VSTM2A: variants seen among roughly 807,000 people sequenced by gnomAD.
VSTM2A encodes V-set and transmembrane domain-containing protein 2A.
Under a neutral mutation model 27.3 loss-of-function variants are expected in VSTM2A, and 13 were observed. The ratio of observed to expected loss-of-function variants is 0.48; its 90% CI spans 0.31 to 0.76. VSTM2A has a LOEUF of 0.76. Ranked by LOEUF, VSTM2A falls within the 30% of genes least tolerant of loss-of-function variation. The probability of loss-of-function intolerance (pLI) is 0.05; values close to 1 mark genes in which losing one functional copy is unlikely to be tolerated. For synonymous variants in VSTM2A, 142 were observed against 125.7 expected, an observed-to-expected ratio of 1.13 and a Z score of -0.87; for missense variants, 280 against 310.0, an observed-to-expected ratio of 0.90 and a Z score of 0.73.
intron 4 of VSTM2A, chr7:54,551,434 C>T (rs926567699): frequency 2.0e-5 from 3 of 152,130 alleles, no homozygotes; most frequent in Non-Finnish European, 2.9e-5. Flanking sequence ...AGCAACTCTC[C>T]TGGCATGCCT....
intron 4 of VSTM2A, among the ~76,000 whole-genome samples, chr7:54,562,721 G>T (rs533902294): frequency 6.6e-6 from 1 of 152,298 alleles, no homozygotes; most frequent in African/African-American, 2.4e-5. Context: ...GATGCCATTT[G>T]TCTCCATTGC....
At position 54,542,414 on chromosome 7, in the gene VSTM2A, C is replaced by T; in HGVS notation, c.-317C>T. ...CTCCGTGTTTAGGGAGGGCAGTGATCACGCAAGCCGGAGCGGCGGGCTGAC... is the reference window on the plus strand; with the variant it reads ...CTCCGTGTTTAGGGAGGGCAGTGATTACGCAAGCCGGAGCGGCGGGCTGAC... On this transcript the variant is annotated 5_prime_UTR_variant, in exon 1 of 5. Transcript: ENST00000402613. 2.3e-6 allele frequency: 1 copy of T among 444,298 alleles called. No individual in the cohort carries two copies. The highest frequency in any genetic ancestry group is 4.0e-6 in the Non-Finnish European group (1 of 249,560). 27.5% of individuals were successfully genotyped at this position (444,298 alleles called of 1,614,324 possible).
intron 1 of VSTM2A, 116 bp downstream of exon 1, chr7:54,542,925 G>C: frequency 2.1e-6 from 2 of 965,178 alleles, no homozygotes; most frequent in Non-Finnish European, 1.6e-6. Context: ...AGTGGGCTTA[G>C]GCTGTATAAA....
intron 1 of VSTM2A, among the ~76,000 whole-genome samples, chr7:54,543,045 C>T (rs1457175684): frequency 6.6e-6 from 1 of 152,038 alleles, no homozygotes; most frequent in Non-Finnish European, 1.5e-5. Flanking sequence ...TCGGTGAGCA[C>T]AAACACAGGG....
At chr7:54,546,742 A>T in intron 2 of VSTM2A, 1 of 542,104 alleles carries the variant, frequency 1.8e-6, no homozygotes. Context: ...GGCGTGGGGT[A>T]TGCCAGGGAC....
At chr7:54,548,219 C>A (rs1341700459) in intron 3 of VSTM2A, among the ~76,000 whole-genome samples, 4 of 152,144 alleles carry the variant, frequency 2.6e-5, no homozygotes, top group African/African-American at 9.7e-5. Context: ...CTTCATACAT[C>A]CTGACCCCTG....
chr7:54,561,392 A>G (rs1788558159), intron 4 of VSTM2A, among the ~76,000 whole-genome samples: 1 of 148,502 alleles, frequency 6.7e-6, no homozygotes, highest in South Asian at 2.1e-4. Context: ...TTAAGAAAAC[A>G]ACTCCAGACT....
chr7:54,548,446 T>C (rs1381742726), intron 3 of VSTM2A, among the ~76,000 whole-genome samples: 1 of 152,104 alleles, frequency 6.6e-6, no homozygotes, highest in Non-Finnish European at 1.5e-5. Context: ...AAAATACTGA[T>C]GATATAAGCT....
At chr7:54,565,376 GC>G (rs771039332) in intron 4 of VSTM2A, among the ~76,000 whole-genome samples, 5 of 152,188 alleles carry the variant, frequency 3.3e-5, no homozygotes, top group Non-Finnish European at 7.3e-5. Context: ...AATAGGTTCA[GC>G]CGTTTTGGAG....
chr7:54,546,688 G>A lies in VSTM2A; in HGVS notation c.247-259G>A, dbSNP rs549153092. On this transcript the variant is annotated intron_variant, in intron 2 of 4. Transcript: ENST00000402613. ...GCGCGGCAGGGACAGCGCCGGGACA[G>A]CGCCGGGACAGCCCCGGGACAGCCC... is the stretch of plus-strand genomic sequence containing the variant. 4.4e-5 allele frequency: 19 copies of A among 430,410 alleles called. No individual in the cohort carries two copies. The East Asian group carries it at 5.7e-4, about 13-fold the overall frequency. 26.7% of individuals were successfully genotyped at this position (430,410 alleles called of 1,614,324 possible). A position where few individuals can be genotyped will look rare whatever the true frequency, so the allele number is the denominator to read the frequency against.
At chr7:54,567,351 A>G (rs1788755756) in intron 4 of VSTM2A, among the ~76,000 whole-genome samples, 1 of 152,216 alleles carries the variant, frequency 6.6e-6, no homozygotes, top group Admixed American at 6.5e-5. Flanking sequence ...GCCTCAAAAT[A>G]TTCTTTACAC....
chr7:54,554,142 T>A, intron 4 of VSTM2A: 1 of 1,533,496 alleles, frequency 6.5e-7, no homozygotes, highest in Non-Finnish European at 8.8e-7. Context: ...TGCTTCCAAT[T>A]CCCCACCCTC....
In VSTM2A at chr7:54,569,092, G is replaced by C. The variant is rs1267437454; in HGVS notation, c.635-39G>C. The C allele has an allele frequency of 1.7e-5, 27 of 1,601,148 alleles. 1 individual carries two copies. Among genetic ancestry groups the C allele is most frequent in the Non-Finnish European group, 2.0e-5 (23 of 1,173,798 alleles). ...GAAGGGTGCTTTGCTTTAATCTAAA[G>C]TGCTGACTTTTTTCCAATATCACTT... On this transcript the variant is annotated intron_variant, in intron 4 of 4. Transcript: ENST00000402613.
At chr7:54,560,371 T>C (rs1584062243) in intron 4 of VSTM2A, among the ~76,000 whole-genome samples, 1 of 146,022 alleles carries the variant, frequency 6.8e-6, no homozygotes, top group African/African-American at 2.7e-5. Context: ...AGTCTTGTTT[T>C]TCTAAGCAAA....
intron 4 of VSTM2A, among the ~76,000 whole-genome samples, chr7:54,555,626 A>C (rs1788330780): frequency 6.6e-6 from 1 of 152,198 alleles, no homozygotes; most frequent in Non-Finnish European, 1.5e-5. Context: ...TTGAACCTTT[A>C]GTGCTCAAAG....
At chr7:54,559,622 T>C (rs916388368) in intron 4 of VSTM2A, 1 of 152,158 alleles carries the variant, frequency 6.6e-6, no homozygotes, top group Non-Finnish European at 1.5e-5. Flanking sequence ...GCAGCCCATA[T>C]GTCCCTGAAA....
rs570799008 is a variant in VSTM2A at position 54,569,420 on chromosome 7, G to A, written c.*201G>A. 5 of 927,842 alleles carry A rather than the reference G, an allele frequency of 5.4e-6. No individual in the cohort carries two copies. Among genetic ancestry groups the A allele is most frequent in the African/African-American group, 1.7e-5 (1 of 59,964 alleles). 57.5% of individuals were successfully genotyped at this position (927,842 alleles called of 1,614,324 possible). On this transcript the variant is annotated 3_prime_UTR_variant, in exon 5 of 5. Coordinates refer to ENST00000402613, the MANE Select transcript of VSTM2A (RefSeq NM_001301009.2). ...AAAATCATCTCACTGACTGCTCAAGGGTTGGCCTGAATGTCATCAGGATAG... is the reference window on the plus strand; with the variant it reads ...AAAATCATCTCACTGACTGCTCAAGAGTTGGCCTGAATGTCATCAGGATAG...
At chr7:54,562,413 G>A (rs373219205) in intron 4 of VSTM2A, among the ~76,000 whole-genome samples, 2 of 151,956 alleles carry the variant, frequency 1.3e-5, no homozygotes, top group African/African-American at 4.8e-5. Context: ...GCTTTGATGA[G>A]AGATTTTTCT....
chr7:54,552,262 A>G (rs1473225771), intron 4 of VSTM2A: 1 of 152,208 alleles, frequency 6.6e-6, no homozygotes, highest in Non-Finnish European at 1.5e-5. Flanking sequence ...ATATCTGAAA[A>G]TATTTAATTT....
Sources: allele counts gnomAD v4.1 joint callset (sites outside exome capture counted in the v4.1 genomes callset), GRCh38; gene constraint gnomAD v4.1.1; transcripts MANE v1.5; gene names NCBI Gene and HGNC (gene_info 2026-07-23, HGNC 2026-07-21).